The following KIF3C variants were observed in gnomAD, a reference collection of about 807,000 sequenced individuals.
KIF3C encodes kinesin family member 3C.
A neutral mutation model predicts 67.7 loss-of-function variants in KIF3C; 12 were observed. The ratio of observed to expected loss-of-function variants is 0.18; its 90% CI spans 0.11 to 0.29. The LOEUF is 0.29. Ranked by LOEUF, KIF3C falls within the 10% of genes least tolerant of loss-of-function variation. The pLI is 1.00. For missense variants in KIF3C, 789 were observed against 1,059.6 expected (o/e 0.74, Z 3.55); for synonymous variants, 393 against 426.2 (o/e 0.92, Z 0.96).
At chr2:25,959,510 G>A (rs996513339) in intron 1 of KIF3C, among the ~76,000 whole-genome samples, 2 of 151,994 alleles carry the variant, frequency 1.3e-5, no homozygotes, top group Non-Finnish European at 2.9e-5. Context: ...CGCGATCTTG[G>A]CTCACTGCAA....
intron 1 of KIF3C, among the ~76,000 whole-genome samples, chr2:25,957,491 G>C (rs901537402): frequency 1.3e-4 from 20 of 152,260 alleles, no homozygotes; most frequent in African/African-American, 4.6e-4. Flanking sequence ...TAAGAAGAAG[G>C]TGCTGTCCCA....
chr2:25,954,209 G>T, intron 4 of KIF3C, 58 bp downstream of exon 4: 1 of 1,236,316 alleles, frequency 8.1e-7, no homozygotes, highest in South Asian at 1.2e-5. Context: ...GGGAGGAGAG[G>T]CCTGAGTAAT....
At chr2:25,933,230 G>A (rs2090476754) in intron 5 of KIF3C, among the ~76,000 whole-genome samples, 1 of 151,348 alleles carries the variant, frequency 6.6e-6, no homozygotes, top group Non-Finnish European at 1.5e-5. Context: ...TAGCCTGGGT[G>A]ACAGAGTGAG....
At chr2:25,952,476 T>C (rs564405832) in intron 4 of KIF3C, among the ~76,000 whole-genome samples, 1 of 152,116 alleles carries the variant, frequency 6.6e-6, no homozygotes, top group South Asian at 2.1e-4. Context: ...AATACTTTTA[T>C]TTGATAGCAC....
chr2:25,948,866 T>C (rs755900597), intron 5 of KIF3C, among the ~76,000 whole-genome samples: 2 of 151,774 alleles, frequency 1.3e-5, no homozygotes, highest in Non-Finnish European at 2.9e-5. Context: ...CAAGTCAAAA[T>C]TGCAGAGTGT....
chr2:25,949,586 C>T (rs1299920785), intron 5 of KIF3C, among the ~76,000 whole-genome samples: 2 of 151,938 alleles, frequency 1.3e-5, no homozygotes, highest in Non-Finnish European at 2.9e-5. Context: ...CTTCTCAAAG[C>T]CTCTCCCATC....
chr2:25,981,486 G>A lies in KIF3C; in HGVS notation c.432C>T (p.Ser144=). 6.2e-7 allele frequency: 1 copy of A among 1,614,094 alleles called. No homozygotes were observed. Among genetic ancestry groups the A allele is most frequent in the African/African-American group, 1.3e-5 (1 of 75,002 alleles). ...SQNQQYLVRA[S]YLEIYQEEIR... ...TCTCTTCCTGGTAGATCTCCAAATA[G>A]GAGGCCCGGACCAGGTACTGTTGGT... Residue 144 remains serine (S), a synonymous_variant, in exon 1 of 8, where the codon TCC becomes TCT. Coordinates refer to ENST00000264712, the MANE Select transcript of KIF3C (RefSeq NM_002254.8). The surrounding 1 kb of genome is among the most constrained non-coding windows in gnomAD (Gnocchi z 8.2).
In KIF3C at chr2:25,955,756, G is replaced by A. The variant is rs577485763; in HGVS notation, c.1648-93C>T. On this transcript the variant is annotated intron_variant, in intron 2 of 7. Transcript: ENST00000264712. This position sits in a 1 kb window ranked among gnomAD's most constrained non-coding sequence, Gnocchi z 5.0. ...GGGACTGGCTCACTCTGCCTGTCTC[G>A]GGACCTGGCTTCACCATGGCCCATG... 22 of 1,474,206 alleles carry A rather than the reference G, an allele frequency of 1.5e-5. No homozygotes were observed. The East Asian group carries it at 1.8e-4, about 12-fold the overall frequency. The allele number at this position is 1,474,206 out of a possible 1,614,324, so 91.3% of individuals were successfully genotyped here. A position where few individuals can be genotyped will look rare whatever the true frequency, so the allele number is the denominator to read the frequency against.
intron 1 of KIF3C, among the ~76,000 whole-genome samples, chr2:25,975,026 C>CAAAAAAAAAA (rs1196962529): frequency 1.7e-5 from 2 of 116,520 alleles, no homozygotes; most frequent in Non-Finnish European, 3.5e-5. Context: ...AACTCCATCT[C>CAAAAAAAAAA]AAAAAAAAAA....
intron 1 of KIF3C, among the ~76,000 whole-genome samples, chr2:25,963,042 ATATATAAATATATAAAT>A (rs1664037571): frequency 1.6e-5 from 1 of 60,812 alleles, no homozygotes; most frequent in African/African-American, 9.4e-5. Flanking sequence ...ATAATATATA[ATATATAAATATATAAAT>A]ATATATACAC....
At chr2:25,978,344 G>A (rs1217194237) in intron 1 of KIF3C, among the ~76,000 whole-genome samples, 5 of 152,078 alleles carry the variant, frequency 3.3e-5, no homozygotes, top group East Asian at 1.9e-4. Flanking sequence ...AGATGTCAAC[G>A]CCTTATATAA....
intron 5 of KIF3C, among the ~76,000 whole-genome samples, chr2:25,945,498 C>T (rs1370863380): frequency 7.9e-6 from 1 of 126,442 alleles, no homozygotes; most frequent in African/African-American, 3.0e-5. Context: ...ACCCAGGAGG[C>T]GGAGGGTGCA....
rs1170452693 is a variant in KIF3C at position 25,980,402 on chromosome 2, C to A, written c.1516G>T (p.Ala506Ser). ...TACTTGGCCGCAAGCAGCTCTGTGG[C>A]CTGCTGTTCCCGCCGCAGGTCCTCC... ...MLEDLRREQQ[A>S]TELLAAKYKA... The change falls in exon 1 of 8, where the codon GCC becomes TCC. Residue 506 changes from alanine to serine, a missense_variant. This residue lies in a region of KIF3C where 648 missense variants were observed against 807.8 expected (regional missense o/e 0.80). Coordinates refer to ENST00000264712, the MANE Select transcript of KIF3C (RefSeq NM_002254.8). The surrounding 1 kb of genome is among the most constrained non-coding windows in gnomAD (Gnocchi z 7.6). The A allele has an allele frequency of 7.4e-6, 12 of 1,613,894 alleles. No individual in the cohort carries two copies. The highest frequency in any genetic ancestry group is 1.0e-5 in the Non-Finnish European group (12 of 1,179,916).
chr2:25,965,087 T>A (rs1294964610), intron 1 of KIF3C, among the ~76,000 whole-genome samples: 1 of 152,200 alleles, frequency 6.6e-6, no homozygotes, highest in African/African-American at 2.4e-5. Context: ...GCCCCTGTGT[T>A]TCTCTGCCAG....
rs1029979745 is a variant in KIF3C at position 25,955,652 on chromosome 2, C to T, written c.1659G>A (p.Glu553=). ...GCATCATCTCCTGCTGCATCTCCCG[C>T]TCACGACGTTTCTAGGCCAAGGACG... ...RQEIAEQKRR[E]REMQQEMMLR... The change falls in exon 3 of 8, where the codon GAG becomes GAA. Residue 553 remains glutamate (E), a synonymous_variant. Transcript: ENST00000264712. This position sits in a 1 kb window ranked among gnomAD's most constrained non-coding sequence, Gnocchi z 5.0. 1 of 1,614,164 alleles carries T rather than the reference C, an allele frequency of 6.2e-7. No homozygotes were observed. The highest frequency in any genetic ancestry group is 2.2e-5 in the East Asian group (1 of 44,892).
In KIF3C at chr2:25,951,762, G is replaced by A. The variant is rs778887749; in HGVS notation, c.2006+27C>T. 1.2e-5 allele frequency: 19 copies of A among 1,529,268 alleles called. No individual in the cohort carries two copies. The South Asian group carries it at 2.1e-4, about 17-fold the overall frequency. The allele number at this position is 1,529,268 out of a possible 1,614,324, so 94.7% of individuals were successfully genotyped here. On this transcript the variant is annotated intron_variant, in intron 5 of 7. Coordinates refer to ENST00000264712, the MANE Select transcript of KIF3C (RefSeq NM_002254.8). ...CTGGAGTGGACCCACAAGTCCCCCA[G>A]CCCAGACAGCTGGGTTAGAGACTCA...
intron 4 of KIF3C, among the ~76,000 whole-genome samples, chr2:25,952,511 T>A (rs1469239070): frequency 6.7e-6 from 1 of 148,712 alleles, no homozygotes; most frequent in Non-Finnish European, 1.5e-5. Context: ...AGTCAATAAC[T>A]TAATTGTATA....
chr2:25,928,892 C>A lies in KIF3C; in HGVS notation c.*86G>T. The A allele has an allele frequency of 8.8e-7, 1 of 1,132,612 alleles. No individual in the cohort carries two copies. The highest frequency in any genetic ancestry group is 1.9e-5 in the Admixed American group (1 of 53,870). The allele number at this position is 1,132,612 out of a possible 1,614,324, so 70.2% of individuals were successfully genotyped here. ...GCACACGCACATGCACGCACACGCA[C>A]ACGCACCAAGCGGCAGATGAGATGA... On this transcript the variant is annotated 3_prime_UTR_variant, in exon 8 of 8. Transcript: ENST00000264712.
At chr2:25,938,376 T>C (rs1168490783) in intron 5 of KIF3C, 1 of 385,328 alleles carries the variant, frequency 2.6e-6, no homozygotes, top group Non-Finnish European at 5.2e-6. Context: ...AAAAAAATTA[T>C]TTTGTGAAAT....
Sources: allele counts gnomAD v4.1 joint callset (sites outside exome capture counted in the v4.1 genomes callset), GRCh38; gene constraint gnomAD v4.1.1; regional missense constraint gnomAD v4.1.1; non-coding constraint Gnocchi (gnomAD v3.1); transcripts MANE v1.5; gene names NCBI Gene and HGNC (gene_info 2026-07-23, HGNC 2026-07-21).